Variants in LIPC observed in about 807,000 individuals in gnomAD.
The protein encoded by LIPC is lipase C, hepatic type.
LIPC carries 44 observed loss-of-function variants against 50.7 expected under a neutral mutation model. The ratio of observed to expected loss-of-function variants is 0.87; its 90% confidence interval spans 0.68 to 1.11. The LOEUF (loss-of-function observed/expected upper bound fraction) is 1.11. LIPC is among the 50% of genes most tolerant of loss of function. LIPC has a pLI of 0.00. For synonymous variants in LIPC, 271 were observed against 256.4 expected (o/e 1.06, Z -0.54); for missense variants, 697 against 648.2 (o/e 1.08, Z -0.82).
intron 8 of LIPC, among the ~76,000 whole-genome samples, chr15:58,568,425 C>A (rs775487883): frequency 7.2e-5 from 11 of 152,186 alleles, no homozygotes. Context: ...CTCAAATCTT[C>A]GATGAGCTGT....
At chr15:58,432,649 G>T (rs1016962763) in intron 1 of LIPC, among the ~76,000 whole-genome samples, 2 of 152,210 alleles carry the variant, frequency 1.3e-5, no homozygotes, top group Non-Finnish European at 2.9e-5. Context: ...TGAGGCTGAA[G>T]AATCCAACAG....
chr15:58,526,308 G>A (rs1259818703), intron 1 of LIPC, among the ~76,000 whole-genome samples: 1 of 152,208 alleles, frequency 6.6e-6, no homozygotes, highest in Non-Finnish European at 1.5e-5. Flanking sequence ...GCAGAACCCT[G>A]GCTGGAGTGT....
intron 1 of LIPC, among the ~76,000 whole-genome samples, chr15:58,499,664 T>C (rs1341922544): frequency 2.0e-5 from 3 of 152,188 alleles, no homozygotes; most frequent in African/African-American, 7.2e-5. Context: ...CCTGTGTCTC[T>C]CCTGGGGGGA....
intron 1 of LIPC, among the ~76,000 whole-genome samples, chr15:58,533,663 GT>G (rs1367016300): frequency 6.6e-4 from 101 of 152,264 alleles, no homozygotes; most frequent in African/African-American, 2.4e-3. Context: ...ATAATGATAA[GT>G]GAAGAAGGAT....
At chr15:58,451,439 C>A (rs755338309) in intron 1 of LIPC, among the ~76,000 whole-genome samples, 1 of 152,154 alleles carries the variant, frequency 6.6e-6, no homozygotes, top group African/African-American at 2.4e-5. Flanking sequence ...CTCCCCACCC[C>A]CTTCTCCCTT....
At position 58,548,578 on chromosome 15, in the gene LIPC, T is replaced by C. The variant is rs1198156713; in HGVS notation, c.1051+6T>C. 2 of 1,587,728 alleles carry C rather than the reference T, an allele frequency of 1.3e-6. No individual in the cohort carries two copies. The highest frequency in any genetic ancestry group is 8.6e-7 in the Non-Finnish European group (1 of 1,168,334). ...AGCCCAGTCCCCCTTCAAAGGTGAGTGTGGAGCTGGGGAGCCTTCAGAAGG... is the reference window on the plus strand; with the variant it reads ...AGCCCAGTCCCCCTTCAAAGGTGAGCGTGGAGCTGGGGAGCCTTCAGAAGG... On this transcript the variant is annotated splice_donor_region_variant and intron_variant, in intron 6 of 8. Transcript: ENST00000299022.
intron 1 of LIPC, 86 bp from the exon 2 acceptor site, chr15:58,538,247 G>A (rs1893201689): frequency 7.7e-7 from 1 of 1,297,958 alleles, no homozygotes; most frequent in Non-Finnish European, 1.1e-6. Flanking sequence ...TTTGGCTTGT[G>A]CTTGTAGAAG....
intron 1 of LIPC, among the ~76,000 whole-genome samples, chr15:58,510,901 GT>G (rs1892309015): frequency 6.6e-6 from 1 of 152,256 alleles, no homozygotes; most frequent in Non-Finnish European, 1.5e-5. Flanking sequence ...TCCACATGGA[GT>G]TGGTGAGGAT....
intron 1 of LIPC, among the ~76,000 whole-genome samples, chr15:58,537,390 A>C (rs2140903915): frequency 6.6e-6 from 1 of 152,332 alleles, no homozygotes; most frequent in Non-Finnish European, 1.5e-5. Flanking sequence ...AAACAACAGA[A>C]GGTGATATGT....
chr15:58,535,125 A>G (rs535977514), intron 1 of LIPC, among the ~76,000 whole-genome samples: 1 of 152,266 alleles, frequency 6.6e-6, no homozygotes, highest in African/African-American at 2.4e-5. Flanking sequence ...CTGATGCTTT[A>G]TCTTCTCTCG....
intron 1 of LIPC, among the ~76,000 whole-genome samples, chr15:58,439,323 T>C (rs183868276): frequency 6.6e-6 from 1 of 152,376 alleles, no homozygotes; most frequent in African/African-American, 2.4e-5. Context: ...GTATATTGAC[T>C]TTCATGATTT....
intron 1 of LIPC, among the ~76,000 whole-genome samples, chr15:58,450,702 G>A (rs1893869628): frequency 6.6e-6 from 1 of 152,154 alleles, no homozygotes; most frequent in African/African-American, 2.4e-5. Flanking sequence ...GAAGGTCAAG[G>A]TACTGAGTAG....
At chr15:58,482,742 C>T (rs138318455) in intron 1 of LIPC, among the ~76,000 whole-genome samples, 79 of 152,296 alleles carry the variant, frequency 5.2e-4, no homozygotes, top group African/African-American at 1.8e-3. Flanking sequence ...TAACATTTTA[C>T]GGTAAACTTC....
At chr15:58,526,193 C>T (rs1161487239) in intron 1 of LIPC, among the ~76,000 whole-genome samples, 1 of 152,194 alleles carries the variant, frequency 6.6e-6, no homozygotes, top group Non-Finnish European at 1.5e-5. Context: ...GAGTCTGCAT[C>T]TCCAGCACAT....
chr15:58,444,075 A>G (rs1278350285), intron 1 of LIPC, among the ~76,000 whole-genome samples: 1 of 152,168 alleles, frequency 6.6e-6, no homozygotes, highest in African/African-American at 2.4e-5. Flanking sequence ...AGGGGCTACG[A>G]TGGCTCAGCT....
chr15:58,457,470 G>T (rs555030902), intron 1 of LIPC, among the ~76,000 whole-genome samples: 49 of 152,280 alleles, frequency 3.2e-4, no homozygotes, highest in African/African-American at 1.1e-3. Flanking sequence ...GGCCTACAAG[G>T]CACCCCGTTT....
At chr15:58,438,717 T>C (rs1893399052) in intron 1 of LIPC, among the ~76,000 whole-genome samples, 1 of 152,154 alleles carries the variant, frequency 6.6e-6, no homozygotes, top group Non-Finnish European at 1.5e-5. Context: ...AAGGTGCAAT[T>C]CCTAAACATG....
At chr15:58,457,774 A>G (rs1894187273) in intron 1 of LIPC, among the ~76,000 whole-genome samples, 2 of 152,198 alleles carry the variant, frequency 1.3e-5, no homozygotes, top group Admixed American at 6.5e-5. Context: ...ACCTGACTGA[A>G]CTGGATATAT....
At chr15:58,476,876 G>C (rs577204834) in intron 1 of LIPC, among the ~76,000 whole-genome samples, 1 of 152,224 alleles carries the variant, frequency 6.6e-6, no homozygotes, top group Non-Finnish European at 1.5e-5. Flanking sequence ...TCAGAGGAAA[G>C]CTAGTTTTGC....
Sources: allele counts gnomAD v4.1 joint callset (sites outside exome capture counted in the v4.1 genomes callset), GRCh38; gene constraint gnomAD v4.1.1; transcripts MANE v1.5; gene names NCBI Gene and HGNC (gene_info 2026-07-23, HGNC 2026-07-21).